Variants in THADA observed in about 807,000 individuals in gnomAD.
The protein encoded by THADA is tRNA (32-2'-O)-methyltransferase regulator THADA.
In THADA, 213 loss-of-function variants were observed where a neutral mutation model predicts 219.8. The ratio of observed to expected loss-of-function variants is 0.97; its 90% CI spans 0.87 to 1.09. The LOEUF (loss-of-function observed/expected upper bound fraction) is 1.09. Among genes scored for constraint, THADA ranks in the 50% least tolerant of loss-of-function variants. The pLI is 0.00. For missense variants in THADA, 2,956 were observed against 2,311.3 expected, an observed-to-expected ratio of 1.28 and a Z score of -5.72; for synonymous variants, 1,018 against 828.9, an observed-to-expected ratio of 1.23 and a Z score of -3.92.
At chr2:43,562,953 GTCTT>G (rs1698245680) in intron 15 of THADA, 1 of 152,184 alleles carries the variant, frequency 6.6e-6, no homozygotes, top group East Asian at 1.9e-4. Flanking sequence ...TGTTTATACT[GTCTT>G]TCTTTTATCT....
chr2:43,258,680 T>C (rs1211318507), intron 36 of THADA, among the ~76,000 whole-genome samples: 1 of 152,160 alleles, frequency 6.6e-6, no homozygotes, highest in Non-Finnish European at 1.5e-5. Context: ...CAGGCCAATA[T>C]TTACACTGAG....
Position 43,508,631 on chromosome 2 carries a change from G to T in THADA, c.3507+17C>A, listed in dbSNP as rs767844529. ...AGACAAATATAAACAAACAGCTAGGGTCCTACAGATAAATACCTGTATGTA... is the reference window on the plus strand; with the variant it reads ...AGACAAATATAAACAAACAGCTAGGTTCCTACAGATAAATACCTGTATGTA... On this transcript the variant is annotated intron_variant, in intron 23 of 37. Coordinates refer to ENST00000405975, the MANE Select transcript of THADA (RefSeq NM_022065.5). 8.7e-6 allele frequency: 14 copies of T among 1,610,386 alleles called. No homozygotes were observed. Among genetic ancestry groups the T allele is most frequent in the Non-Finnish European group, 1.2e-5 (14 of 1,178,296 alleles).
At position 43,481,309 on chromosome 2, in the gene THADA, C is replaced by T. The variant is rs543796215; in HGVS notation, c.3836+3925G>A. 5.9e-5 allele frequency among the ~76,000 whole-genome samples: 9 copies of T among 152,314 alleles called. No individual in the cohort carries two copies. The East Asian group carries it at 1.4e-3, about 23-fold the overall frequency. ...AACATAGTCACTAGAAACAATTTTACTTGGATCATCCCATGATTTTAGAAA... is the reference window on the plus strand; with the variant it reads ...AACATAGTCACTAGAAACAATTTTATTTGGATCATCCCATGATTTTAGAAA... On this transcript the variant is annotated intron_variant, in intron 26 of 37. Transcript: ENST00000405975.
intron 29 of THADA, among the ~76,000 whole-genome samples, chr2:43,372,985 C>T (rs529392799): frequency 3.1e-4 from 47 of 152,214 alleles, no homozygotes; most frequent in Non-Finnish European, 5.7e-4. Flanking sequence ...GCCACCACGC[C>T]CAGCCAAGTC....
At chr2:43,419,629 C>A (rs759831734) in intron 28 of THADA, among the ~76,000 whole-genome samples, 1 of 152,138 alleles carries the variant, frequency 6.6e-6, no homozygotes, top group Non-Finnish European at 1.5e-5. Context: ...ATGTTCTCTA[C>A]TGTGTAGGAT....
At chr2:43,537,044 A>G (rs1694700399) in intron 21 of THADA, among the ~76,000 whole-genome samples, 1 of 152,184 alleles carries the variant, frequency 6.6e-6, no homozygotes, top group African/African-American at 2.4e-5. Context: ...GTTAAACGGG[A>G]TGTTTTACAA....
intron 31 of THADA, among the ~76,000 whole-genome samples, chr2:43,317,892 A>AT (rs1678256529): frequency 6.6e-6 from 1 of 152,226 alleles, no homozygotes; most frequent in Admixed American, 6.5e-5. Context: ...ATTCTTCATC[A>AT]TTAATAATGT....
chr2:43,420,627 T>C lies in THADA; in HGVS notation c.4058+7473A>G, dbSNP rs1471674106. Reference sequence around the variant, plus strand: ...ACAAGTTCTGTTTTTCTAGTTTGCTTTGTCAATGCATTCCATAAGAGGTGA... The same window carrying C: ...ACAAGTTCTGTTTTTCTAGTTTGCTCTGTCAATGCATTCCATAAGAGGTGA... On this transcript the variant is annotated intron_variant, in intron 28 of 37. Coordinates refer to ENST00000405975, the MANE Select transcript of THADA (RefSeq NM_022065.5). 2.0e-5 allele frequency among the ~76,000 whole-genome samples: 3 copies of C among 152,210 alleles called. No homozygotes were observed. The East Asian group carries it at 5.8e-4, about 29-fold the overall frequency.
intron 27 of THADA, among the ~76,000 whole-genome samples, chr2:43,429,799 C>T (rs1679000380): frequency 1.3e-5 from 2 of 151,614 alleles, no homozygotes; most frequent in African/African-American, 2.4e-5. Context: ...TTTTCAGGTA[C>T]AAATTTACTA....
chr2:43,323,130 TTTTC>T (rs1019274965), intron 30 of THADA, among the ~76,000 whole-genome samples: 5 of 152,154 alleles, frequency 3.3e-5, no homozygotes, highest in Non-Finnish European at 5.9e-5. Flanking sequence ...CCTCATTTTC[TTTTC>T]TTTCTTTTTT....
At chr2:43,548,325 C>G (rs1696317771) in intron 20 of THADA, among the ~76,000 whole-genome samples, 1 of 152,204 alleles carries the variant, frequency 6.6e-6, no homozygotes, top group Non-Finnish European at 1.5e-5. Flanking sequence ...GGTCAGGGAC[C>G]CACTTGAGGA....
intron 26 of THADA, among the ~76,000 whole-genome samples, chr2:43,471,119 A>G (rs1684856378): frequency 6.6e-6 from 1 of 152,204 alleles, no homozygotes; most frequent in South Asian, 2.1e-4. Context: ...AAGTAAATAT[A>G]CCAAAAATTA....
At chr2:43,543,595 T>C (rs1398127771) in intron 20 of THADA, among the ~76,000 whole-genome samples, 1 of 152,118 alleles carries the variant, frequency 6.6e-6, no homozygotes, top group Non-Finnish European at 1.5e-5. Context: ...TATCTCATTG[T>C]GGTTTTGATT....
At chr2:43,552,470 G>C in intron 17 of THADA, 131 bp from the exon 18 acceptor site, 1 of 1,025,084 alleles carries the variant, frequency 9.8e-7, no homozygotes, top group Non-Finnish European at 1.4e-6. Context: ...TAATCAAAAA[G>C]AGATCTTTCA....
At chr2:43,253,608 C>T (rs555944666) in intron 36 of THADA, among the ~76,000 whole-genome samples, 2 of 152,188 alleles carry the variant, frequency 1.3e-5, no homozygotes, top group African/African-American at 2.4e-5. Flanking sequence ...GATGGGTCTT[C>T]GTTATTCCCT....
chr2:43,566,731 C>A lies in THADA; in HGVS notation c.2278G>T (p.Gly760Cys). 6.3e-7 allele frequency: 1 copy of A among 1,599,350 alleles called. No homozygotes were observed. ...ACATGAAAAACTTCAGCTATTGAAC[C>A]TAAAATGGTTAAAGCTGAAAATCTA... ...STRFSALTIL[G>C]SIAEVFHVPE... Residue 760 changes from glycine to cysteine, a missense_variant, in exon 15 of 38, where the codon GGT (glycine) becomes TGT (cysteine). By Grantham distance (159) the Gly-to-Cys change is radical. Transcript: ENST00000405975.
chr2:43,524,893 C>T (rs1331095900), intron 22 of THADA, among the ~76,000 whole-genome samples: 1 of 152,188 alleles, frequency 6.6e-6, no homozygotes, highest in Non-Finnish European at 1.5e-5. Flanking sequence ...CATTCAACCA[C>T]AGTTATTCAA....
chr2:43,581,160 G>A (rs140677196), intron 8 of THADA, among the ~76,000 whole-genome samples: 18 of 152,178 alleles, frequency 1.2e-4, no homozygotes, highest in Non-Finnish European at 2.1e-4. Context: ...AAAAGTGACA[G>A]AAAACAAATT....
chr2:43,265,911 G>A (rs922829546), intron 36 of THADA, among the ~76,000 whole-genome samples: 2 of 148,394 alleles, frequency 1.3e-5, no homozygotes, highest in African/African-American at 5.0e-5. Context: ...ATGATAATCC[G>A]ATTTTTTTTT....
Sources: allele counts gnomAD v4.1 joint callset (sites outside exome capture counted in the v4.1 genomes callset), GRCh38; gene constraint gnomAD v4.1.1; transcripts MANE v1.5; gene names NCBI Gene and HGNC (gene_info 2026-07-23, HGNC 2026-07-21).